Variants in GRID1 observed in about 807,000 individuals in gnomAD.
The protein encoded by GRID1 is glutamate receptor ionotropic, delta-1.
A neutral mutation model predicts 98.0 loss-of-function variants in GRID1; 28 were observed. The observed-to-expected ratio is 0.29, with a 90% CI of 0.21 to 0.39. The LOEUF is 0.39. Ranked by LOEUF, GRID1 falls within the 10% of genes least tolerant of loss-of-function variation. GRID1 has a pLI of 1.00. For synonymous variants in GRID1, 553 were observed against 538.5 expected (o/e 1.03, Z -0.37); for missense variants, 1,111 against 1,340.5 (o/e 0.83, Z 2.67).
At position 85,916,285 on chromosome 10, in the gene GRID1, C is replaced by G. The variant is rs762963965; in HGVS notation, c.727-46G>C. The G allele has an allele frequency of 1.5e-6, 2 of 1,346,858 alleles. No individual in the cohort carries two copies. The highest frequency in any genetic ancestry group is 3.4e-5 in the Admixed American group (2 of 59,576). 83.4% of individuals were successfully genotyped at this position (1,346,858 alleles called of 1,614,324 possible). On this transcript the variant is annotated intron_variant, in intron 4 of 15. Transcript: ENST00000327946. The surrounding 1 kb of genome is among the most constrained non-coding windows in gnomAD (Gnocchi z 4.0). Reference sequence around the variant, plus strand: ...AACATGAACAGAAGCAAGACAGAAGCTGGCAGACACAGGATGATTGCCGAG... The same window carrying G: ...AACATGAACAGAAGCAAGACAGAAGGTGGCAGACACAGGATGATTGCCGAG...
intron 4 of GRID1, among the ~76,000 whole-genome samples, chr10:86,116,164 G>C (rs903865689): frequency 6.6e-6 from 1 of 152,212 alleles, no homozygotes; most frequent in African/African-American, 2.4e-5. Flanking sequence ...ATGCGTGACT[G>C]TATGTCTTCT....
intron 12 of GRID1, among the ~76,000 whole-genome samples, chr10:85,693,967 A>C (rs777811371): frequency 2.6e-5 from 4 of 152,222 alleles, no homozygotes; most frequent in Non-Finnish European, 4.4e-5. Flanking sequence ...CTAAAGAAGT[A>C]GTCAACATTG....
chr10:85,878,050 C>T (rs1047562547), intron 5 of GRID1, among the ~76,000 whole-genome samples: 24 of 151,844 alleles, frequency 1.6e-4, no homozygotes, highest in Admixed American at 9.2e-4. Context: ...TGAAATGAAG[C>T]GAGAAGAGGA....
At chr10:85,879,393 T>C (rs1840963909) in intron 5 of GRID1, among the ~76,000 whole-genome samples, 1 of 152,162 alleles carries the variant, frequency 6.6e-6, no homozygotes, top group Non-Finnish European at 1.5e-5. Context: ...TCAACAAATG[T>C]AAAAGAACAG....
At chr10:85,766,730 T>TTTTG (rs1842201103) in intron 8 of GRID1, among the ~76,000 whole-genome samples, 1 of 138,352 alleles carries the variant, frequency 7.2e-6, no homozygotes, top group Non-Finnish European at 1.6e-5. Context: ...AGGCAGATGA[T>TTTTG]TGTGTGTGTG....
chr10:85,911,419 A>G (rs1044662387), intron 5 of GRID1, among the ~76,000 whole-genome samples: 1 of 152,078 alleles, frequency 6.6e-6, no homozygotes. Context: ...TGGACGTGAG[A>G]TGTGGAGTCA....
chr10:85,789,028 AC>A (rs1842454906), intron 8 of GRID1, among the ~76,000 whole-genome samples: 1 of 152,172 alleles, frequency 6.6e-6, no homozygotes, highest in Non-Finnish European at 1.5e-5. Flanking sequence ...GGGAAAAAAA[AC>A]AAAAGATACC....
intron 8 of GRID1, among the ~76,000 whole-genome samples, chr10:85,811,461 A>G (rs1367313281): frequency 6.6e-6 from 1 of 151,388 alleles, no homozygotes; most frequent in Non-Finnish European, 1.5e-5. Context: ...TAAATTAGGA[A>G]GCCAACTTAG....
chr10:85,664,975 G>A (rs1841003267), intron 12 of GRID1, among the ~76,000 whole-genome samples: 1 of 152,024 alleles, frequency 6.6e-6, no homozygotes, highest in African/African-American at 2.4e-5. Context: ...AGAATATATT[G>A]TATAACACAG....
intron 3 of GRID1, among the ~76,000 whole-genome samples, chr10:86,173,554 C>T (rs779022915): frequency 6.8e-6 from 1 of 146,958 alleles, no homozygotes; most frequent in Non-Finnish European, 1.5e-5. Context: ...AACTTTCCTC[C>T]TCAGTCTTCT....
intron 8 of GRID1, among the ~76,000 whole-genome samples, chr10:85,802,767 C>T (rs886612874): frequency 6.8e-6 from 1 of 146,756 alleles, no homozygotes; most frequent in African/African-American, 2.5e-5. Flanking sequence ...GAACTGTGAC[C>T]GTTGAGAGAA....
chr10:85,636,529 G>GA (rs538752904), intron 13 of GRID1, among the ~76,000 whole-genome samples: 24 of 151,968 alleles, frequency 1.6e-4, no homozygotes, highest in African/African-American at 5.5e-4. Context: ...CAACGCTCAG[G>GA]AAAAAAAGAT....
At chr10:86,113,817 G>A (rs1296259632) in intron 4 of GRID1, among the ~76,000 whole-genome samples, 1 of 152,186 alleles carries the variant, frequency 6.6e-6, no homozygotes, top group East Asian at 1.9e-4. Flanking sequence ...GACGGGAAAA[G>A]AAAGTAAAAT....
chr10:85,842,313 T>C (rs924535328), intron 8 of GRID1, among the ~76,000 whole-genome samples: 1 of 151,942 alleles, frequency 6.6e-6, no homozygotes, highest in South Asian at 2.1e-4. Context: ...CTGAGGCCTA[T>C]TGGAGAGCAG....
intron 4 of GRID1, among the ~76,000 whole-genome samples, chr10:86,046,220 C>T (rs777790394): frequency 3.3e-5 from 5 of 152,170 alleles, no homozygotes; most frequent in East Asian, 1.9e-4. Flanking sequence ...AAACCGCCCC[C>T]GAACCTACAA....
chr10:85,672,862 T>C (rs993726191), intron 12 of GRID1, among the ~76,000 whole-genome samples: 15 of 152,372 alleles, frequency 9.8e-5, no homozygotes, highest in Admixed American at 6.5e-4. Flanking sequence ...AGGTATAATT[T>C]TGACTTTCAA....
At chr10:85,937,794 G>C (rs1324702515) in intron 4 of GRID1, among the ~76,000 whole-genome samples, 1 of 152,160 alleles carries the variant, frequency 6.6e-6, no homozygotes, top group African/African-American at 2.4e-5. Context: ...GGTCAGGAAG[G>C]CTGCTAAACA....
At chr10:85,973,418 CA>C (rs1424258798) in intron 4 of GRID1, among the ~76,000 whole-genome samples, 2 of 152,086 alleles carry the variant, frequency 1.3e-5, no homozygotes, top group Non-Finnish European at 2.9e-5. Flanking sequence ...TCCTTCATTA[CA>C]AATCCTTCTT....
At chr10:86,043,261 G>T (rs1043513309) in intron 4 of GRID1, among the ~76,000 whole-genome samples, 9 of 152,120 alleles carry the variant, frequency 5.9e-5, no homozygotes, top group African/African-American at 2.2e-4. Flanking sequence ...CTCTCTACCA[G>T]CCCTTGTCCT....
Sources: allele counts gnomAD v4.1 joint callset (sites outside exome capture counted in the v4.1 genomes callset), GRCh38; gene constraint gnomAD v4.1.1; non-coding constraint Gnocchi (gnomAD v3.1); transcripts MANE v1.5; gene names NCBI Gene and HGNC (gene_info 2026-07-23, HGNC 2026-07-21).